TNPO3: variants seen among roughly 807,000 people sequenced by gnomAD.
TNPO3 encodes the protein transportin 3.
TNPO3 carries 65 observed loss-of-function variants against 122.8 expected under a neutral mutation model. That is an observed-to-expected ratio of 0.53 (90% confidence interval 0.43 to 0.65). The LOEUF (loss-of-function observed/expected upper bound fraction) is 0.65. TNPO3 is among the 30% of genes least tolerant of loss of function. TNPO3 has a pLI of 0.00. For missense variants in TNPO3, 850 were observed against 1,136.7 expected, an observed-to-expected ratio of 0.75 and a Z score of 3.63; for synonymous variants, 372 against 411.2, an observed-to-expected ratio of 0.90 and a Z score of 1.15.
rs531207687 is a variant in TNPO3 at position 128,985,851 on chromosome 7, AT to A, written c.1690+877del. ...ACTAGCTGGTAAGGAATCTGGTCAT[AT>A]GAATAACAAAGGACAGAATTCACAA... On this transcript the variant is annotated intron_variant, in intron 12 of 22. Coordinates refer to ENST00000265388, the MANE Select transcript of TNPO3 (RefSeq NM_012470.4). Among the ~76,000 whole-genome samples the A allele has an allele frequency of 4.8e-4, 73 of 152,350 alleles. No homozygotes were observed. In the Middle Eastern group the frequency reaches 0.014, roughly 28 times the overall value.
At chr7:128,988,220 C>A (rs1209881503) in intron 11 of TNPO3, among the ~76,000 whole-genome samples, 1 of 152,144 alleles carries the variant, frequency 6.6e-6, no homozygotes, top group Non-Finnish European at 1.5e-5. Context: ...AGATGATCCT[C>A]TCGCCTCAGC....
At chr7:128,962,593 A>G (rs1797573955) in intron 21 of TNPO3, among the ~76,000 whole-genome samples, 2 of 152,244 alleles carry the variant, frequency 1.3e-5, no homozygotes, top group Admixed American at 1.3e-4. Context: ...TACTACAGGC[A>G]TTCTAGAGGA....
intron 1 of TNPO3, among the ~76,000 whole-genome samples, chr7:129,034,178 C>A (rs191341564): frequency 3.0e-4 from 46 of 152,280 alleles, no homozygotes; most frequent in Admixed American, 5.9e-4. Flanking sequence ...AAGATAAATA[C>A]TGAATGATTC....
At chr7:128,990,812 T>C (rs149145224) in intron 10 of TNPO3, among the ~76,000 whole-genome samples, 1 of 152,334 alleles carries the variant, frequency 6.6e-6, no homozygotes, top group African/African-American at 2.4e-5. Flanking sequence ...GAGTGGAGGA[T>C]ACCCCTAAAG....
chr7:129,003,296 G>GT (rs1299743179), intron 5 of TNPO3, among the ~76,000 whole-genome samples: 3,016 of 107,650 alleles, frequency 0.028, 180 homozygotes, highest in African/African-American at 0.074. Context: ...TAATTTTTAG[G>GT]GTTTTTTTTT....
rs775545486 is a variant in TNPO3 at position 128,970,199 on chromosome 7, G to A, written c.2547C>T (p.Thr849=). 6.2e-7 allele frequency: 1 copy of A among 1,614,040 alleles called. No homozygotes were observed. Among genetic ancestry groups the A allele is most frequent in the African/African-American group, 1.3e-5 (1 of 74,908 alleles). Residue 849 remains threonine, a synonymous_variant, in exon 20 of 23, where the codon ACC becomes ACT. Transcript: ENST00000265388. The part of the protein sequence containing the change: ...HTCCFCLPPY[T]LPDVAEVLWE... ...AGAGCACTTCAGCCACATCTGGTAG[G>A]GTATAGGGGGGGAGGCAAAAGCAGC...
chr7:128,993,968 AC>A, intron 8 of TNPO3, 54 bp from the exon 9 acceptor site: 4 of 1,470,028 alleles, frequency 2.7e-6, no homozygotes, highest in Non-Finnish European at 3.8e-6. Context: ...GCTTTCAATG[AC>A]CTCTATAAAA....
chr7:129,035,881 T>C (rs1806589276), intron 1 of TNPO3, among the ~76,000 whole-genome samples: 2 of 151,598 alleles, frequency 1.3e-5, no homozygotes, highest in Non-Finnish European at 2.9e-5. Context: ...TAGTGAGGCA[T>C]ACTAAAAACT....
chr7:128,968,041 T>G (rs1487713121), intron 20 of TNPO3, among the ~76,000 whole-genome samples: 2 of 152,138 alleles, frequency 1.3e-5, no homozygotes, highest in Admixed American at 6.5e-5. Flanking sequence ...ACTTGACCAG[T>G]ATATTTTTAA....
At chr7:129,018,253 G>A in intron 1 of TNPO3, 96 bp from the exon 2 acceptor site, 1 of 1,260,556 alleles carries the variant, frequency 7.9e-7, no homozygotes, top group South Asian at 1.5e-5. Context: ...TTAGCCCAAA[G>A]TATAAAGAAA....
chr7:129,041,523 G>A (rs1342793379), intron 1 of TNPO3: 1 of 983,078 alleles, frequency 1.0e-6, no homozygotes, highest in East Asian at 1.1e-4. Context: ...GGAAGGAAAA[G>A]GGATTCTTTA....
chr7:129,031,394 A>T (rs1017148848), intron 1 of TNPO3, among the ~76,000 whole-genome samples: 1 of 152,246 alleles, frequency 6.6e-6, no homozygotes, highest in Non-Finnish European at 1.5e-5. Context: ...AGAAATAAAA[A>T]GGGTTATAAA....
intron 20 of TNPO3, among the ~76,000 whole-genome samples, chr7:128,967,595 G>C (rs1798047405): frequency 6.6e-6 from 1 of 152,224 alleles, no homozygotes; most frequent in South Asian, 2.1e-4. Flanking sequence ...TGCATGCCTA[G>C]ACTTCCCTTC....
intron 1 of TNPO3, among the ~76,000 whole-genome samples, chr7:129,024,324 AG>A (rs2150464248): frequency 6.6e-6 from 1 of 152,284 alleles, no homozygotes; most frequent in African/African-American, 2.4e-5. Context: ...ACGTAAATGA[AG>A]CCATCTTAGA....
rs189633772 is a variant in TNPO3 at position 129,050,283 on chromosome 7, C to T, written c.120+4368G>A. Among the ~76,000 whole-genome samples the T allele has an allele frequency of 4.3e-3, 634 of 148,716 alleles. 6 individuals carry two copies. The highest frequency in any genetic ancestry group is 0.015 in the African/African-American group (616 of 40,196). On this transcript the variant is annotated intron_variant, in intron 1 of 22. Coordinates refer to ENST00000265388, the MANE Select transcript of TNPO3 (RefSeq NM_012470.4). ...CCTGTAGTCCCAGCTACTCTGGAGG[C>T]TGAGGCAGGAGAATGGCGTGAACCC...
At chr7:129,029,656 G>C (rs1319522561) in intron 1 of TNPO3, 3 of 152,160 alleles carry the variant, frequency 2.0e-5, no homozygotes, top group Non-Finnish European at 4.4e-5. Context: ...CCAGACTCTA[G>C]AGTGAGAGTC....
At chr7:128,960,065 G>A (rs1168333081) in intron 21 of TNPO3, among the ~76,000 whole-genome samples, 1 of 152,120 alleles carries the variant, frequency 6.6e-6, no homozygotes, top group African/African-American at 2.4e-5. Flanking sequence ...ATAGTTATGT[G>A]CTACAATGAT....
chr7:129,001,302 G>A, intron 5 of TNPO3, 68 bp from the exon 6 acceptor site: 3 of 1,372,428 alleles, frequency 2.2e-6, no homozygotes, highest in Non-Finnish European at 2.0e-6. Flanking sequence ...AGTTGGCCCT[G>A]CACACCCTAG....
At chr7:129,008,319 C>A (rs1802805797) in intron 4 of TNPO3, among the ~76,000 whole-genome samples, 1 of 151,806 alleles carries the variant, frequency 6.6e-6, no homozygotes, top group African/African-American at 2.4e-5. Context: ...GAGTTCTAGA[C>A]TAATCTGAGC....
Sources: allele counts gnomAD v4.1 joint callset (sites outside exome capture counted in the v4.1 genomes callset), GRCh38; gene constraint gnomAD v4.1.1; transcripts MANE v1.5; gene names NCBI Gene and HGNC (gene_info 2026-07-23, HGNC 2026-07-21).